MSH3: variants seen among roughly 807,000 people sequenced by gnomAD.
MSH3 encodes the protein mutS homolog 3.
MSH3 carries 106 observed loss-of-function variants against 123.3 expected under a neutral mutation model. The observed-to-expected ratio is 0.86, with a 90% CI of 0.73 to 1.01. The LOEUF is 1.01. Ranked by LOEUF, MSH3 falls within the 50% of genes least tolerant of loss-of-function variation. The pLI, the probability that MSH3 is intolerant of heterozygous loss-of-function variation, is 0.00. For synonymous variants in MSH3, 515 were observed against 481.4 expected, an observed-to-expected ratio of 1.07 and a Z score of -0.91; for missense variants, 1,459 against 1,347.6, an observed-to-expected ratio of 1.08 and a Z score of -1.29.
Position 80,818,402 on chromosome 5 carries a change from C to CAAAAAAAAAAAAAAAAA in MSH3, c.2813+4665_2813+4681dup, listed in dbSNP as rs71603566. 3.1e-5 allele frequency among the ~76,000 whole-genome samples: 2 copies of CAAAAAAAAAAAAAAAAA among 63,824 alleles called. 1 individual carries two copies. The highest frequency in any genetic ancestry group is 5.5e-5 in the Non-Finnish European group (2 of 36,630). The allele number at this position is 63,824 out of a possible 152,430, so 41.9% of individuals were successfully genotyped here. ...TTTTTTAACAAATAAATAGCAATGA[C>CAAAAAAAAAAAAAAAAA]AAAAAAAAAAAAAAAAAAAAGGTGG... On this transcript the variant is annotated intron_variant, in intron 20 of 23. Coordinates refer to ENST00000265081, the MANE Select transcript of MSH3 (RefSeq NM_002439.5).
At chr5:80,710,894 G>A (rs1035196887) in intron 8 of MSH3, among the ~76,000 whole-genome samples, 1 of 152,060 alleles carries the variant, frequency 6.6e-6, no homozygotes, top group Admixed American at 6.5e-5. Flanking sequence ...CTCCCCCTTC[G>A]AGTGTTCCCC....
At chr5:80,846,413 C>T (rs1163094749) in intron 20 of MSH3, among the ~76,000 whole-genome samples, 3 of 151,838 alleles carry the variant, frequency 2.0e-5, no homozygotes, top group African/African-American at 7.3e-5. Flanking sequence ...GAATGCCATG[C>T]TGAGAGAACC....
rs1343268248 is a variant in MSH3, at chr5:80,725,578, C to A, written c.1453+13C>A. On this transcript the variant is annotated intron_variant, in intron 9 of 23. Coordinates refer to ENST00000265081, the MANE Select transcript of MSH3 (RefSeq NM_002439.5). ...GTTGACATCAAAGGTAAATATTTTC[C>A]CTGTATGTCCTCAAGTTGAACTGAT... 1 of 1,555,764 alleles carries A rather than the reference C, an allele frequency of 6.4e-7. No individual in the cohort carries two copies. The highest frequency in any genetic ancestry group is 2.2e-5 in the East Asian group (1 of 44,540).
chr5:80,767,849 C>G, intron 13 of MSH3, 84 bp from the exon 14 acceptor site: 1 of 1,064,886 alleles, frequency 9.4e-7, no homozygotes, highest in African/African-American at 1.6e-5. Flanking sequence ...TTCCTCAATT[C>G]TGATTCTAAC....
chr5:80,692,772 G>A (rs1249940490), intron 8 of MSH3, among the ~76,000 whole-genome samples: 1 of 97,728 alleles, frequency 1.0e-5, no homozygotes, highest in Non-Finnish European at 2.4e-5. Flanking sequence ...ACATACACAT[G>A]TATATGTTTG....
At chr5:80,851,775 G>T in intron 20 of MSH3, among the ~76,000 whole-genome samples, 1 of 151,868 alleles carries the variant, frequency 6.6e-6, no homozygotes, top group East Asian at 1.9e-4. Flanking sequence ...GCTTATATAG[G>T]GACACATCTT....
chr5:80,831,940 C>G (rs974579548), intron 20 of MSH3, among the ~76,000 whole-genome samples: 3 of 151,758 alleles, frequency 2.0e-5, no homozygotes, highest in African/African-American at 7.3e-5. Context: ...AACCCTGTCT[C>G]TACTAAAAAT....
chr5:80,761,393 G>A (rs1283691435), intron 12 of MSH3, among the ~76,000 whole-genome samples, 153 bp from the exon 13 acceptor site: 1 of 152,092 alleles, frequency 6.6e-6, no homozygotes, highest in African/African-American at 2.4e-5. Flanking sequence ...GTTTTGTCAG[G>A]GAGTCCTTCC....
intron 21 of MSH3, among the ~76,000 whole-genome samples, chr5:80,859,497 G>A (rs1745973870): frequency 6.6e-6 from 1 of 152,024 alleles, no homozygotes. Flanking sequence ...ATACAGTTAG[G>A]TCTTATTTTT....
intron 9 of MSH3, among the ~76,000 whole-genome samples, chr5:80,727,691 G>T (rs1431685327): frequency 6.6e-6 from 1 of 152,062 alleles, no homozygotes; most frequent in Non-Finnish European, 1.5e-5. Flanking sequence ...CAGGCATTGG[G>T]CATACAATAA....
intron 8 of MSH3, among the ~76,000 whole-genome samples, chr5:80,711,090 A>C (rs1366299115): frequency 6.6e-6 from 1 of 152,252 alleles, no homozygotes; most frequent in Non-Finnish European, 1.5e-5. Context: ...AGTGTAGAAA[A>C]AACTAGAAAA....
chr5:80,689,766 T>A (rs1342523340), intron 8 of MSH3, among the ~76,000 whole-genome samples: 1 of 151,914 alleles, frequency 6.6e-6, no homozygotes, highest in Non-Finnish European at 1.5e-5. Flanking sequence ...TTGAGCAGTT[T>A]GAGGCTCACA....
At chr5:80,821,017 C>G (rs32987) in intron 20 of MSH3, among the ~76,000 whole-genome samples, 1 of 152,120 alleles carries the variant, frequency 6.6e-6, no homozygotes, top group Non-Finnish European at 1.5e-5. Context: ...ACCTGCTTCT[C>G]TCTCTGCAAG....
In MSH3 at chr5:80,758,795, G is replaced by A. The variant is rs6151777; in HGVS notation, c.1764-2751G>A. On this transcript the variant is annotated intron_variant, in intron 12 of 23. Transcript: ENST00000265081. ...AGATTTTTATTAAACTTTTTTGCTC[G>A]TATCTTTCTGTATCTCAGAAAACCT... Among the ~76,000 whole-genome samples the A allele has an allele frequency of 1.6e-4, 25 of 151,922 alleles. No individual in the cohort carries two copies. In the East Asian group the frequency reaches 4.2e-3, roughly 26 times the overall value.
intron 20 of MSH3, among the ~76,000 whole-genome samples, chr5:80,823,187 A>G (rs1218769216): frequency 6.6e-6 from 1 of 152,200 alleles, no homozygotes; most frequent in Non-Finnish European, 1.5e-5. Flanking sequence ...CCAAAATACC[A>G]TGGGGGATAT....
rs925623233 is a variant in MSH3 at position 80,679,084 on chromosome 5, C to T, written c.1331C>T (p.Thr444Ile). 3.7e-6 allele frequency: 6 copies of T among 1,613,852 alleles called. No homozygotes were observed. Among genetic ancestry groups the T allele is most frequent in the Non-Finnish European group, 5.1e-6 (6 of 1,179,990 alleles). ...ACAGAGGCGCTCATCCACAGAGCCA[C>T]ATCTGTTAGGTAAGTTGGCACATCA... ...EQTEALIHRA[T>I]SVSVQDDRIR... Residue 444 changes from threonine (T) to isoleucine (I), a missense_variant, in exon 8 of 24, where the codon ACA becomes ATA. Coordinates refer to ENST00000265081, the MANE Select transcript of MSH3 (RefSeq NM_002439.5).
At chr5:80,844,285 CT>C (rs1458156587) in intron 20 of MSH3, among the ~76,000 whole-genome samples, 2 of 151,980 alleles carry the variant, frequency 1.3e-5, no homozygotes, top group African/African-American at 4.8e-5. Flanking sequence ...GATTTCTGTT[CT>C]TTTATATTTG....
intron 8 of MSH3, among the ~76,000 whole-genome samples, chr5:80,698,615 CAGGCAACCTG>C (rs1204605804): frequency 1.5e-4 from 21 of 143,688 alleles, no homozygotes; most frequent in African/African-American, 5.0e-4. Context: ...CCAGCATGAG[CAGGCAACCTG>C]AGGCAGGACA....
At position 80,813,624 on chromosome 5, in the gene MSH3, TG is replaced by T; in HGVS notation, c.2699del (p.Gly900ValfsTer7). The T allele has an allele frequency of 6.2e-7, 1 of 1,614,066 alleles. No homozygotes were observed. ...ERVMIITGPN[M>X]GGKSSYIKQV... The stretch of plus-strand genomic sequence containing the variant: ...GTAATGATAATTACCGGACCAAACA[TG>T]GGTGGAAAGAGCTCCTACATAAAAC... On this transcript the variant is annotated frameshift_variant, in exon 20 of 24. Transcript: ENST00000265081. LOFTEE classifies it high-confidence loss of function.
Sources: gnomAD v4.1 joint callset for allele counts (sites outside exome capture counted in the v4.1 genomes callset) on GRCh38, gnomAD v4.1.1 for gene constraint, MANE v1.5 for transcripts, NCBI Gene and HGNC (gene_info 2026-07-23, HGNC 2026-07-21) for gene names.